Variants in VPS9D1 observed in about 807,000 individuals in gnomAD.
VPS9D1 encodes the protein VPS9 domain-containing protein 1.
In VPS9D1, 78 loss-of-function variants were observed where a neutral mutation model predicts 75.8. The ratio of observed to expected loss-of-function variants is 1.03; its 90% CI spans 0.86 to 1.24. The LOEUF is 1.24. Ranked by LOEUF, VPS9D1 falls within the 50% of genes most tolerant of loss-of-function variation. The pLI, the probability that VPS9D1 is intolerant of heterozygous loss-of-function variation, is 0.00. For missense variants in VPS9D1, 1,057 were observed against 847.7 expected (o/e 1.25, Z -3.07); for synonymous variants, 481 against 385.6 (o/e 1.25, Z -2.90).
intron 4 of VPS9D1, among the ~76,000 whole-genome samples, chr16:89,713,353 C>A (rs2060984735): frequency 6.6e-6 from 1 of 151,568 alleles, no homozygotes; most frequent in African/African-American, 2.4e-5. Flanking sequence ...CTCCCGGGTT[C>A]ATGCCATTCT....
At chr16:89,713,529 C>T (rs1029957725) in intron 4 of VPS9D1, among the ~76,000 whole-genome samples, 8 of 151,460 alleles carry the variant, frequency 5.3e-5, no homozygotes, top group Non-Finnish European at 1.2e-4. Flanking sequence ...ACTGGGATTA[C>T]AGGCGTGAGC....
intron 4 of VPS9D1, among the ~76,000 whole-genome samples, chr16:89,713,399 T>C (rs1041076314): frequency 1.3e-5 from 2 of 151,260 alleles, no homozygotes; most frequent in Admixed American, 1.3e-4. Context: ...GGACTACAGG[T>C]GCCCGCCACT....
Position 89,712,048 on chromosome 16 carries a change from T to G in VPS9D1, c.658A>C (p.Arg220=). 6.5e-7 allele frequency: 1 copy of G among 1,548,868 alleles called. No individual in the cohort carries two copies. The change falls in exon 7 of 15, where the codon AGG becomes CGG. Residue 220 remains arginine, a splice_region_variant and synonymous_variant. Transcript: ENST00000389386. Reference sequence around the variant, plus strand: ...CCCAGGGGCGGGCAGGAGTCCCACCTGTTGGCGGCCTCCTGGAGCCGCAGC... The same window carrying G: ...CCCAGGGGCGGGCAGGAGTCCCACCGGTTGGCGGCCTCCTGGAGCCGCAGC... ...RRLRLQEAAN[R]RFCSQVALTP...
At chr16:89,711,731 C>T (rs2060929178) in intron 8 of VPS9D1, 151 bp downstream of exon 8, 2 of 989,594 alleles carry the variant, frequency 2.0e-6, no homozygotes, top group Non-Finnish European at 2.9e-6. Context: ...CCCGCCCCCT[C>T]ACCGGGCCCT....
rs1232715345 is a variant in VPS9D1 at position 89,712,462 on chromosome 16, T to C, written c.604A>G (p.Thr202Ala). The C allele has an allele frequency of 1.2e-6, 2 of 1,613,058 alleles. No homozygotes were observed. Among genetic ancestry groups the C allele is most frequent in the African/African-American group, 2.7e-5 (2 of 74,882 alleles). The change falls in exon 6 of 15, where the codon ACA (threonine) becomes GCA (alanine). Residue 202 changes from threonine to alanine, a missense_variant and splice_region_variant. Coordinates refer to ENST00000389386, the MANE Select transcript of VPS9D1 (RefSeq NM_004913.3). ...ACCAGGGCGGTCAGAAAGGCTGCTGTCTCCTCCCGGGCTTTGGCAATCACT... is the reference window on the plus strand; with the variant it reads ...ACCAGGGCGGTCAGAAAGGCTGCTGCCTCCTCCCGGGCTTTGGCAATCACT... ...NLVIAKAREE[T>A]LQRKMEERRL...
rs372981873 is a variant in VPS9D1 at position 89,709,849 on chromosome 16, T to C, written c.1316A>G (p.Lys439Arg). ...AFEGLNTAAS[K>R]DRCLACIEEP... ...CTCAATGCAGGCCAGGCAGCGGTCC[T>C]TGGAGGCAGCTGTGTTTAGGCCTTC... The change falls in exon 11 of 15, where the codon AAG (lysine) becomes AGG (arginine). Residue 439 changes from lysine (K) to arginine (R), a missense_variant. Transcript: ENST00000389386. The C allele has an allele frequency of 7.3e-5, 118 of 1,613,598 alleles. No individual in the cohort carries two copies. Among genetic ancestry groups the C allele is most frequent in the Non-Finnish European group, 8.6e-5 (102 of 1,179,870 alleles).
chr16:89,711,060 G>T, intron 9 of VPS9D1, 50 bp from the exon 10 acceptor site: 1 of 1,423,786 alleles, frequency 7.0e-7, no homozygotes, highest in African/African-American at 1.4e-5. Flanking sequence ...CCTCTCCGTG[G>T]CATCCACAGG....
chr16:89,718,788 C>T (rs2061157513), intron 2 of VPS9D1, among the ~76,000 whole-genome samples: 1 of 151,162 alleles, frequency 6.6e-6, no homozygotes, highest in African/African-American at 2.4e-5. Context: ...GATCTCGGCT[C>T]ACTGCAACCT....
In VPS9D1 at chr16:89,710,577, T is replaced by C. The variant is rs748325331; in HGVS notation, c.1258+9A>G. On this transcript the variant is annotated intron_variant, in intron 10 of 14. Transcript: ENST00000389386. ...TGCGGCGGCTCTCCCAGGGAGGGCCTGGCCTCACCTACGGCATTGTGGATC... is the reference window on the plus strand; with the variant it reads ...TGCGGCGGCTCTCCCAGGGAGGGCCCGGCCTCACCTACGGCATTGTGGATC... The C allele has an allele frequency of 2.5e-6, 4 of 1,585,238 alleles. No individual in the cohort carries two copies. In the Admixed American group the frequency reaches 5.1e-5, roughly 20 times the overall value.
chr16:89,714,229 C>G (rs975405447), intron 4 of VPS9D1, among the ~76,000 whole-genome samples: 82 of 152,070 alleles, frequency 5.4e-4, no homozygotes, highest in African/African-American at 1.6e-3. Flanking sequence ...GGAGCCACTG[C>G]GCCCAGCCTT....
chr16:89,718,479 G>A (rs557984736), intron 2 of VPS9D1, among the ~76,000 whole-genome samples: 5 of 152,086 alleles, frequency 3.3e-5, no homozygotes, highest in Admixed American at 1.3e-4. Context: ...CGTCTGTGCC[G>A]CTCACTGGAG....
In VPS9D1 at chr16:89,707,564, A is replaced by G; in HGVS notation, c.*297T>C. The G allele has an allele frequency of 5.8e-6, 2 of 342,002 alleles. No homozygotes were observed. The highest frequency in any genetic ancestry group is 1.1e-5 in the Non-Finnish European group (2 of 184,294). The allele number at this position is 342,002 out of a possible 1,614,324, so 21.2% of individuals were successfully genotyped here. A position where few individuals can be genotyped will look rare whatever the true frequency, so the allele number is the denominator to read the frequency against. On this transcript the variant is annotated 3_prime_UTR_variant, in exon 15 of 15. Transcript: ENST00000389386. ...CTGAGCCTGCACCCACCGAAGCCCA[A>G]AGCTTCCCTTCTTGGCCTCTCTGAG...
chr16:89,718,428 T>C (rs2061143468), intron 2 of VPS9D1, among the ~76,000 whole-genome samples: 1 of 152,148 alleles, frequency 6.6e-6, no homozygotes, highest in Admixed American at 6.6e-5. Flanking sequence ...CCACTCCTAT[T>C]TCAGGGCCTT....
At chr16:89,717,907 G>GCTCCC (rs2061118904) in intron 2 of VPS9D1, 2 of 439,610 alleles carry the variant, frequency 4.5e-6, no homozygotes, top group African/African-American at 4.1e-5. Context: ...CGACCTCTGT[G>GCTCCC]ATCCCACGTC....
intron 11 of VPS9D1, 149 bp from the exon 12 acceptor site, chr16:89,709,584 G>C (rs1347088373): frequency 7.9e-7 from 1 of 1,264,134 alleles, no homozygotes; most frequent in South Asian, 1.5e-5. Flanking sequence ...AGGCACGGGA[G>C]AGTGGCAATA....
chr16:89,709,137 A>G lies in VPS9D1; in HGVS notation c.1597+90T>C, dbSNP rs534048399. The G allele has an allele frequency of 8.2e-4, 1,266 of 1,550,426 alleles. 5 individuals carry two copies. The highest frequency in any genetic ancestry group is 8.4e-4 in the Non-Finnish European group (958 of 1,136,282). On this transcript the variant is annotated intron_variant, in intron 12 of 14. Transcript: ENST00000389386. ...CCCCCAACCTCCCCACCGGCACGTG[A>G]CAAGAGAAGCTCAGTGGTGAAGACA...
intron 2 of VPS9D1, among the ~76,000 whole-genome samples, chr16:89,718,375 C>T (rs1034427757): frequency 1.7e-4 from 26 of 152,206 alleles, no homozygotes; most frequent in South Asian, 4.1e-4. Context: ...CACACCAGAA[C>T]GGCCCCAGTT....
At chr16:89,717,591 C>A (rs1278615679) in intron 2 of VPS9D1, 1 of 456,506 alleles carries the variant, frequency 2.2e-6, no homozygotes, top group South Asian at 1.5e-5. Context: ...GAAAACTTCT[C>A]ATAGACTCCC....
At chr16:89,717,601 C>A (rs1379362458) in intron 2 of VPS9D1, 2 of 456,440 alleles carry the variant, frequency 4.4e-6, no homozygotes, top group Non-Finnish European at 8.8e-6. Flanking sequence ...CATAGACTCC[C>A]ATTTTCTCAT....
Sources: gnomAD v4.1 joint callset for allele counts (sites outside exome capture counted in the v4.1 genomes callset) on GRCh38, gnomAD v4.1.1 for gene constraint, MANE v1.5 for transcripts, NCBI Gene and HGNC (gene_info 2026-07-23, HGNC 2026-07-21) for gene names.